RBBP4: variants seen among roughly 807,000 people sequenced by gnomAD.
The protein encoded by RBBP4 is histone-binding protein RBBP4.
RBBP4 carries 3 observed loss-of-function variants against 57.2 expected under a neutral mutation model. That is an observed-to-expected ratio of 0.05 (90% CI 0.02 to 0.14). The LOEUF is 0.14. Among genes scored for constraint, RBBP4 ranks in the 10% least tolerant of loss-of-function variants. The probability of loss-of-function intolerance (pLI) is 1.00; values close to 1 mark genes in which losing one functional copy is unlikely to be tolerated. For synonymous variants in RBBP4, 151 were observed against 171.5 expected, an observed-to-expected ratio of 0.88 and a Z score of 0.93; for missense variants, 107 against 520.6, an observed-to-expected ratio of 0.21 and a Z score of 7.73.
chr1:32,674,182 AACTGT>A (rs1648997890), intron 11 of RBBP4, among the ~76,000 whole-genome samples: 1 of 152,180 alleles, frequency 6.6e-6, no homozygotes, highest in East Asian at 1.9e-4. Context: ...AATGCCACTG[AACTGT>A]ACACTTAAAA....
intron 3 of RBBP4, among the ~76,000 whole-genome samples, chr1:32,667,279 A>G (rs1648694625): frequency 6.6e-6 from 1 of 152,318 alleles, no homozygotes; most frequent in Middle Eastern, 3.4e-3. Context: ...AGTAGAAAAA[A>G]TAGTGAAAGT....
In RBBP4 at chr1:32,684,117, G is replaced by C. The variant is rs1341976769; in HGVS notation, c.*4412G>C. The C allele has an allele frequency of 6.2e-7, 1 of 1,611,646 alleles. No individual in the cohort carries two copies. The highest frequency in any genetic ancestry group is 8.5e-7 in the Non-Finnish European group (1 of 1,178,810). On this transcript the variant is annotated 3_prime_UTR_variant, in exon 12 of 12. Coordinates refer to ENST00000373493, the MANE Select transcript of RBBP4 (RefSeq NM_005610.3). ...TTAAAAAGAGAGAGCCATTTTCCAT[G>C]TGTTTTTGGATAAGCACAATTTGAA...
intron 2 of RBBP4, among the ~76,000 whole-genome samples, chr1:32,655,300 G>A (rs1218703995): frequency 6.6e-6 from 1 of 152,032 alleles, no homozygotes; most frequent in Non-Finnish European, 1.5e-5. Flanking sequence ...TTAAGATGAG[G>A]ATTACTTACA....
rs1228508505 is a variant in RBBP4 at position 32,668,467 on chromosome 1, T to A, written c.484+69T>A. 6 of 1,394,878 alleles carry A rather than the reference T, an allele frequency of 4.3e-6. No homozygotes were observed. In the East Asian group the frequency reaches 1.4e-4, roughly 32 times the overall value. 86.4% of individuals were successfully genotyped at this position (1,394,878 alleles called of 1,614,324 possible). A position where few individuals can be genotyped will look rare whatever the true frequency, so the allele number is the denominator to read the frequency against. On this transcript the variant is annotated intron_variant, in intron 4 of 11. Coordinates refer to ENST00000373493, the MANE Select transcript of RBBP4 (RefSeq NM_005610.3). ...AATACATGGTTCCACTCACTGTGAG[T>A]TTAATTGCATGTTACTCTGTGTAAT...
At chr1:32,675,535 C>A (rs944193518) in intron 11 of RBBP4, among the ~76,000 whole-genome samples, 1 of 151,520 alleles carries the variant, frequency 6.6e-6, no homozygotes, top group Non-Finnish European at 1.5e-5. Flanking sequence ...TTTGGGAGGC[C>A]GAGGCGGGTG....
At position 32,686,025 on chromosome 1, in the gene RBBP4, A is replaced by T. The variant is rs1007475062; in HGVS notation, c.*6320A>T. 2 of 152,188 alleles carry T rather than the reference A, an allele frequency of 1.3e-5. No homozygotes were observed. The highest frequency in any genetic ancestry group is 2.9e-5 in the Non-Finnish European group (2 of 68,038). The allele number at this position is 152,188 out of a possible 1,614,324, so 9.4% of individuals were successfully genotyped here. ...TTTCCTCTAGCCCTGGACTACTAGT[A>T]CCGAAGTCACTAGTCACATAGGACT... On this transcript the variant is annotated 3_prime_UTR_variant, in exon 12 of 12. Coordinates refer to ENST00000373493, the MANE Select transcript of RBBP4 (RefSeq NM_005610.3).
chr1:32,658,374 AAG>A (rs1553194222), intron 3 of RBBP4, among the ~76,000 whole-genome samples: 1 of 151,548 alleles, frequency 6.6e-6, no homozygotes, highest in African/African-American at 2.4e-5. Context: ...AAAAAAAAAA[AAG>A]GTTGAGAAAC....
chr1:32,674,907 T>A (rs2148531104), intron 11 of RBBP4, among the ~76,000 whole-genome samples: 1 of 151,696 alleles, frequency 6.6e-6, no homozygotes, highest in East Asian at 1.9e-4. Context: ...TTTTTGTTGT[T>A]GTTTTTTATT....
intron 8 of RBBP4, among the ~76,000 whole-genome samples, chr1:32,671,857 T>C (rs1010697581): frequency 2.6e-5 from 4 of 152,024 alleles, no homozygotes; most frequent in African/African-American, 7.2e-5. Context: ...CCTGCCATTG[T>C]ACTCCAGCCT....
At chr1:32,651,572 T>G in intron 1 of RBBP4, 5 of 1,042,504 alleles carry the variant, frequency 4.8e-6, no homozygotes, top group Non-Finnish European at 6.5e-6. Context: ...GCCTCCGATA[T>G]CGGTTTCTCG....
intron 2 of RBBP4, among the ~76,000 whole-genome samples, chr1:32,653,471 A>G (rs1647980937): frequency 6.6e-6 from 1 of 152,112 alleles, no homozygotes; most frequent in South Asian, 2.1e-4. Flanking sequence ...TCAACAAATG[A>G]TAGAAATTTG....
intron 3 of RBBP4, among the ~76,000 whole-genome samples, chr1:32,659,874 A>G (rs1335734603): frequency 6.6e-6 from 1 of 152,216 alleles, no homozygotes; most frequent in Non-Finnish European, 1.5e-5. Flanking sequence ...TTTGACTTCA[A>G]AAGCATAGTT....
chr1:32,660,953 G>A (rs12131961), intron 3 of RBBP4, among the ~76,000 whole-genome samples: 4,289 of 152,082 alleles, frequency 0.028, 89 homozygotes, highest in Non-Finnish European at 0.044. Context: ...GGGATTGCAG[G>A]CATGCGCCAC....
chr1:32,651,494 G>C (rs1432276284), intron 1 of RBBP4, 172 bp downstream of exon 1: 14 of 1,357,804 alleles, frequency 1.0e-5, no homozygotes, highest in Non-Finnish European at 1.3e-5. Flanking sequence ...CAGTTCCCTG[G>C]GACCGATTTC....
intron 11 of RBBP4, among the ~76,000 whole-genome samples, chr1:32,679,213 C>G (rs961255827): frequency 1.3e-5 from 2 of 152,108 alleles, no homozygotes; most frequent in Non-Finnish European, 1.5e-5. Flanking sequence ...AGGAGAATTG[C>G]TTGAACCTGG....
In RBBP4 at chr1:32,652,071, C is replaced by CTCT. The variant is rs749173333; in HGVS notation, c.164+11_164+13dup. On this transcript the variant is annotated intron_variant, in intron 2 of 11. Transcript: ENST00000373493. ...TTCCAGATGTAACCAGGTGACATGA[C>CTCT]TCTCCCGAACGTTATTTTGATGTAT... 1.9e-6 allele frequency: 3 copies of CTCT among 1,603,720 alleles called. No homozygotes were observed. The highest frequency in any genetic ancestry group is 2.6e-6 in the Non-Finnish European group (3 of 1,174,996).
rs112248694 is a variant in RBBP4, at chr1:32,679,401, C to T, written c.1213-239C>T. Among the ~76,000 whole-genome samples the T allele has an allele frequency of 3.3e-3, 499 of 152,310 alleles. 2 individuals are homozygous for T. Among genetic ancestry groups the T allele is most frequent in the African/African-American group, 0.011 (461 of 41,568 alleles). ...GTTTTGTGGGAATGTCCTAATCAGG[C>T]GTCTGGGGATCAGCTGCTTATTTTT... On this transcript the variant is annotated intron_variant, in intron 11 of 11. Coordinates refer to ENST00000373493, the MANE Select transcript of RBBP4 (RefSeq NM_005610.3).
At chr1:32,654,949 C>T (rs1354903855) in intron 2 of RBBP4, among the ~76,000 whole-genome samples, 3 of 152,196 alleles carry the variant, frequency 2.0e-5, no homozygotes, top group Non-Finnish European at 2.9e-5. Flanking sequence ...CCCGCTTCGG[C>T]CTCCCAAAGT....
chr1:32,662,262 C>A (rs749527359), intron 3 of RBBP4: 1 of 298,846 alleles, frequency 3.3e-6, no homozygotes, highest in South Asian at 2.4e-5. Context: ...TGCAGTGGTG[C>A]GATCTCACTG....
Sources: gnomAD v4.1 joint callset for allele counts (sites outside exome capture counted in the v4.1 genomes callset) on GRCh38, gnomAD v4.1.1 for gene constraint, MANE v1.5 for transcripts, NCBI Gene and HGNC (gene_info 2026-07-23, HGNC 2026-07-21) for gene names.